The following ATP10B variants were observed in gnomAD, a reference collection of about 807,000 sequenced individuals.
The protein encoded by ATP10B is phospholipid-transporting ATPase VB.
Under a neutral mutation model 141.2 loss-of-function variants are expected in ATP10B, and 122 were observed. That is an observed-to-expected ratio of 0.86 (90% confidence interval 0.75 to 1.00). ATP10B has a LOEUF of 1.00. Among genes scored for constraint, ATP10B ranks in the 50% least tolerant of loss-of-function variants. The pLI, the probability that ATP10B is intolerant of heterozygous loss-of-function variation, is 0.00. For synonymous variants in ATP10B, 685 were observed against 692.0 expected (o/e 0.99, Z 0.16); for missense variants, 1,876 against 1,825.3 (o/e 1.03, Z -0.51).
chr5:160,852,996 T>C (rs1753886108), upstream of ATP10B, among the ~76,000 whole-genome samples: 1 of 152,156 alleles, frequency 6.6e-6, no homozygotes. Flanking sequence ...CATAAGATTT[T>C]GGTTGGTTGG....
chr5:160,853,711 G>T (rs1268804469), upstream of ATP10B, among the ~76,000 whole-genome samples: 6 of 152,160 alleles, frequency 3.9e-5, no homozygotes, highest in South Asian at 2.1e-4. Flanking sequence ...ACAGACATAT[G>T]GCAAATTATT....
intron 5 of ATP10B, 144 bp downstream of exon 5, chr5:160,687,656 T>C (rs897326398): frequency 1.0e-6 from 1 of 969,822 alleles, no homozygotes; most frequent in Non-Finnish European, 1.5e-6. Flanking sequence ...TCCCAGCTAT[T>C]TGGGAGGCTG....
At chr5:160,695,835 C>A (rs1301377443) in intron 3 of ATP10B, among the ~76,000 whole-genome samples, 1 of 152,010 alleles carries the variant, frequency 6.6e-6, no homozygotes, top group South Asian at 2.1e-4. Context: ...CTTCAGTTAA[C>A]TACAGGCGTT....
chr5:160,799,702 G>A (rs1422121470), intron 1 of ATP10B, among the ~76,000 whole-genome samples: 2 of 152,176 alleles, frequency 1.3e-5, no homozygotes, highest in Non-Finnish European at 2.9e-5. Context: ...GGGAAAAACA[G>A]GTAACTTAGG....
intron 7 of ATP10B, among the ~76,000 whole-genome samples, chr5:160,656,246 C>A (rs1319590619): frequency 6.6e-6 from 1 of 152,144 alleles, no homozygotes. Context: ...TTTCTGTAAA[C>A]TTCTGGCTTT....
chr5:160,699,315 A>G (rs1764548564), intron 3 of ATP10B, among the ~76,000 whole-genome samples: 1 of 152,236 alleles, frequency 6.6e-6, no homozygotes, highest in Non-Finnish European at 1.5e-5. Context: ...TGTTTTACTG[A>G]CAAAATAATT....
chr5:160,802,498 G>A (rs549193551), intron 1 of ATP10B, among the ~76,000 whole-genome samples: 146 of 152,272 alleles, frequency 9.6e-4, no homozygotes, highest in Middle Eastern at 3.4e-3. Flanking sequence ...CAATGCCTGC[G>A]ATATTGTTAA....
chr5:160,852,963 T>C (rs942078659), upstream of ATP10B, among the ~76,000 whole-genome samples: 1 of 152,178 alleles, frequency 6.6e-6, no homozygotes, highest in Non-Finnish European at 1.5e-5. Flanking sequence ...GAAGTGAACA[T>C]ACTAACTTCA....
chr5:160,738,904 G>T (rs1050960955), intron 2 of ATP10B, among the ~76,000 whole-genome samples: 6 of 152,198 alleles, frequency 3.9e-5, no homozygotes, highest in African/African-American at 1.2e-4. Flanking sequence ...AGTATTACCA[G>T]ACAAACACAT....
At chr5:160,865,923 G>C in the ATP10B span, among the ~76,000 whole-genome samples, 9 of 152,226 alleles carry the variant, frequency 5.9e-5, no homozygotes, top group Middle Eastern at 6.8e-3. Context: ...ATAGATGTTG[G>C]TGTGGATGTG....
rs747327724 is a variant in ATP10B at position 160,620,390 on chromosome 5, AC to A, written c.2372del (p.Gly791ValfsTer25). ...GCAGGTCCATGATGACCGAGTCAGC[AC>A]CCTTGGTGTAGACAACAATCTCGCC... is the stretch of plus-strand genomic sequence containing the variant. ...LTGEIVVYTKGADSVIMDLLE... is the reference protein window; with the variant it reads ...LTGEIVVYTKXADSVIMDLLE... On this transcript the variant is annotated frameshift_variant, in exon 15 of 26. Transcript: ENST00000327245. LOFTEE classifies it high-confidence loss of function. 4 of 1,613,990 alleles carry A rather than the reference AC, an allele frequency of 2.5e-6. No homozygotes were observed. The Admixed American group carries it at 6.7e-5, about 27-fold the overall frequency.
chr5:160,888,846 C>T, the ATP10B span, among the ~76,000 whole-genome samples: 1 of 152,172 alleles, frequency 6.6e-6, no homozygotes, highest in African/African-American at 2.4e-5. Context: ...ACAATTTATA[C>T]ACCTATTTTT....
chr5:160,644,361 T>C (rs775399603), intron 8 of ATP10B, 117 bp from the exon 9 acceptor site: 10 of 721,284 alleles, frequency 1.4e-5, no homozygotes, highest in Middle Eastern at 2.9e-4. Context: ...CCCTGTTTTT[T>C]CAGAAGAGTG....
intron 6 of ATP10B, among the ~76,000 whole-genome samples, chr5:160,683,554 C>T (rs753133971): frequency 1.8e-4 from 27 of 152,222 alleles, no homozygotes; most frequent in African/African-American, 3.9e-4. Context: ...TAAGCAGTGC[C>T]TAAATGGCTG....
intron 11 of ATP10B, 77 bp downstream of exon 11, chr5:160,636,105 T>C: frequency 2.0e-6 from 3 of 1,478,418 alleles, no homozygotes; most frequent in Non-Finnish European, 2.7e-6. Context: ...CCAGCACTGT[T>C]TTTTCTTTAT....
chr5:160,742,870 T>G (rs1767574336), intron 2 of ATP10B, among the ~76,000 whole-genome samples: 1 of 152,198 alleles, frequency 6.6e-6, no homozygotes, highest in African/African-American at 2.4e-5. Flanking sequence ...AAGTTTTAAT[T>G]GCTTTTTGAA....
chr5:160,919,104 G>A, the ATP10B span, among the ~76,000 whole-genome samples: 356 of 149,376 alleles, frequency 2.4e-3, 2 homozygotes, highest in African/African-American at 8.3e-3. Flanking sequence ...CGCACCTGTA[G>A]TCCCAGCTAC....
chr5:160,689,315 A>G (rs1184018804), intron 3 of ATP10B, among the ~76,000 whole-genome samples: 1 of 152,254 alleles, frequency 6.6e-6, no homozygotes, highest in Non-Finnish European at 1.5e-5. Context: ...GGAAACCAGC[A>G]CAAGACAAGG....
intron 2 of ATP10B, among the ~76,000 whole-genome samples, chr5:160,756,656 G>A (rs538254140): frequency 2.4e-4 from 36 of 151,800 alleles, no homozygotes; most frequent in African/African-American, 5.6e-4. Context: ...TTTGCCATCC[G>A]TAATTTTTTT....
Sources: allele counts gnomAD v4.1 joint callset (sites outside exome capture counted in the v4.1 genomes callset), GRCh38; gene constraint gnomAD v4.1.1; transcripts MANE v1.5; gene names NCBI Gene and HGNC (gene_info 2026-07-23, HGNC 2026-07-21).